Variants in OS9 observed in about 807,000 individuals in gnomAD.
OS9 encodes the protein OS9 endoplasmic reticulum lectin, also known as protein OS-9.
In OS9, 58 loss-of-function variants were observed where a neutral mutation model predicts 84.7. The observed-to-expected ratio is 0.68, with a 90% CI of 0.55 to 0.85. The LOEUF is 0.85. Ranked by LOEUF, OS9 falls within the 40% of genes least tolerant of loss-of-function variation. OS9 has a pLI of 0.00. For missense variants in OS9, 760 were observed against 850.9 expected (o/e 0.89, Z 1.33); for synonymous variants, 278 against 320.8 (o/e 0.87, Z 1.43).
In OS9 at chr12:57,694,185, C is replaced by T. The variant is rs1953750838; in HGVS notation, c.24C>T (p.Ser8=). Residue 8 remains serine (S), a synonymous_variant, in exon 1 of 15, where the codon TCC becomes TCT. Transcript: ENST00000315970. The part of the protein sequence containing the change: MAAETLL[S]SLLGLLLLGL... Reference sequence around the variant, plus strand: ...AGATGGCGGCGGAAACGCTGCTGTCCAGTTTGTTAGGACTGCTGCTTCTGG... The same window carrying T: ...AGATGGCGGCGGAAACGCTGCTGTCTAGTTTGTTAGGACTGCTGCTTCTGG... The T allele has an allele frequency of 1.2e-6, 2 of 1,614,004 alleles. No homozygotes were observed. The highest frequency in any genetic ancestry group is 1.7e-6 in the Non-Finnish European group (2 of 1,180,028).
chr12:57,694,678 G>C lies in OS9; in HGVS notation c.163-72G>C, dbSNP rs764015491. ...TGATCTCTTCCCCAGGGTTTGAAGA[G>C]GGATTTCGTTGTTCTCCCTGATCCC... is the stretch of plus-strand genomic sequence containing the variant. On this transcript the variant is annotated intron_variant, in intron 1 of 14. Coordinates refer to ENST00000315970, the MANE Select transcript of OS9 (RefSeq NM_006812.4). The C allele has an allele frequency of 1.6e-5, 23 of 1,451,372 alleles. No individual in the cohort carries two copies. The South Asian group carries it at 2.5e-4, about 16-fold the overall frequency. The allele number at this position is 1,451,372 out of a possible 1,614,324, so 89.9% of individuals were successfully genotyped here. A position where few individuals can be genotyped will look rare whatever the true frequency, so the allele number is the denominator to read the frequency against.
chr12:57,697,944 C>A (rs1291285708), intron 5 of OS9, among the ~76,000 whole-genome samples: 50 of 150,812 alleles, frequency 3.3e-4, no homozygotes, highest in Admixed American at 6.0e-4. Context: ...CACACACACA[C>A]ACACACACAC....
Position 57,719,165 on chromosome 12 carries a change from C to G in OS9, c.1583C>G (p.Pro528Arg). 2 of 1,614,082 alleles carry G rather than the reference C, an allele frequency of 1.2e-6. No individual in the cohort carries two copies. The highest frequency in any genetic ancestry group is 1.7e-6 in the Non-Finnish European group (2 of 1,179,978). ...KKRVVPKKPPPSPQPTEEDPE... is the reference protein window; with the variant it reads ...KKRVVPKKPPRSPQPTEEDPE... ...AGGGTTGTCCCCAAAAAGCCTCCCC[C>G]ATCACCCCAACCTACAGGTGAGAGC... The change falls in exon 12 of 15, where the codon CCA becomes CGA. Residue 528 changes from proline to arginine, a missense_variant. Transcript: ENST00000315970.
chr12:57,718,544 T>C, intron 11 of OS9, 123 bp downstream of exon 11: 1 of 1,018,458 alleles, frequency 9.8e-7, no homozygotes, highest in Non-Finnish European at 1.4e-6. Flanking sequence ...TTGGAAGTGG[T>C]AGCTGTTTCC....
intron 2 of OS9, 166 bp downstream of exon 2, chr12:57,695,092 A>C: frequency 1.6e-6 from 1 of 620,896 alleles, no homozygotes; most frequent in Admixed American, 2.9e-5. Flanking sequence ...GAATCCTGCA[A>C]CCACTGATGA....
intron 5 of OS9, among the ~76,000 whole-genome samples, chr12:57,706,275 T>A (rs10877007): frequency 0.57 from 87,136 of 152,010 alleles, 25,844 homozygotes; most frequent in Middle Eastern, 0.69. Flanking sequence ...ATGGTTTTTT[T>A]AATATTAAAA....
In OS9 at chr12:57,720,209, C is replaced by T; in HGVS notation, c.1711C>T (p.Gln571Ter). Residue 571 changes from glutamine to a stop codon, truncating the protein, a stop_gained, in exon 13 of 15, where the codon CAA (glutamine) becomes TAA (stop). Coordinates refer to ENST00000315970, the MANE Select transcript of OS9 (RefSeq NM_006812.4). LOFTEE classifies it high-confidence loss of function. The stretch of plus-strand genomic sequence containing the variant: ...GAAACGGGAAAACCCACAGCTGAAA[C>T]AAATCGAGGGGCTGGTGAAGGAGCT... ...EMKRENPQLK[Q>*]IEGLVKELLE... is the part of the protein sequence containing the mutation. 3 of 1,614,206 alleles carry T rather than the reference C, an allele frequency of 1.9e-6. No homozygotes were observed. Among genetic ancestry groups the T allele is most frequent in the Non-Finnish European group, 2.5e-6 (3 of 1,180,050 alleles).
At chr12:57,698,671 T>C (rs766695367) in intron 5 of OS9, among the ~76,000 whole-genome samples, 14 of 152,102 alleles carry the variant, frequency 9.2e-5, no homozygotes, top group Non-Finnish European at 1.9e-4. Context: ...TGAGAGGGCA[T>C]TCCAAATGGA....
intron 4 of OS9, 88 bp from the exon 5 acceptor site, chr12:57,696,187 A>G (rs916533381): frequency 1.0e-5 from 13 of 1,274,114 alleles, no homozygotes; most frequent in African/African-American, 1.5e-5. Context: ...GGCACAGGCC[A>G]TTCTTTTGTC....
rs77765604 is a variant in OS9, at chr12:57,713,317, C to T, written c.580-2443C>T. Among the ~76,000 whole-genome samples, 233 of 152,312 alleles carry T rather than the reference C, an allele frequency of 1.5e-3. 1 individual carries two copies. Among genetic ancestry groups the T allele is most frequent in the Admixed American group, 3.3e-3 (50 of 15,300 alleles). ...TGCCTCTCCCCCTGGGCAAAATCCC[C>T]GAGGCCCTGCTCTGGAGTTGGGGTC... On this transcript the variant is annotated intron_variant, in intron 5 of 14. Coordinates refer to ENST00000315970, the MANE Select transcript of OS9 (RefSeq NM_006812.4).
chr12:57,696,324 A>G lies in OS9; in HGVS notation c.530A>G (p.Asn177Ser), dbSNP rs761476126. 1.1e-5 allele frequency: 17 copies of G among 1,613,782 alleles called. No individual in the cohort carries two copies. The highest frequency in any genetic ancestry group is 2.2e-5 in the East Asian group (1 of 44,882). The change falls in exon 5 of 15, where the codon AAT becomes AGT. Residue 177 changes from asparagine to serine, a missense_variant. Transcript: ENST00000315970. ...LKRYHSQTYGNGSKCDLNGRP... is the reference protein window; with the variant it reads ...LKRYHSQTYGSGSKCDLNGRP... ...CGCTACCACAGCCAGACCTATGGCA[A>G]TGGGTCCAAGTGCGACCTTAATGGG...
intron 5 of OS9, among the ~76,000 whole-genome samples, chr12:57,715,427 C>T (rs934835570): frequency 2.0e-5 from 3 of 151,980 alleles, no homozygotes; most frequent in African/African-American, 4.8e-5. Context: ...TACACACACA[C>T]AATATTTATA....
Position 57,704,707 on chromosome 12 carries a change from T to C in OS9, c.579+8334T>C, listed in dbSNP as rs189211879. Among the ~76,000 whole-genome samples, 9 of 152,340 alleles carry C rather than the reference T, an allele frequency of 5.9e-5. No individual in the cohort carries two copies. The East Asian group carries it at 1.7e-3, about 29-fold the overall frequency. On this transcript the variant is annotated intron_variant, in intron 5 of 14. Coordinates refer to ENST00000315970, the MANE Select transcript of OS9 (RefSeq NM_006812.4). ...ACATTCTTTCTATCTATACTTTGTCTTCTTGTTTTGTTTATAGTGTCTTAA... is the reference window on the plus strand; with the variant it reads ...ACATTCTTTCTATCTATACTTTGTCCTCTTGTTTTGTTTATAGTGTCTTAA...
chr12:57,701,729 C>T (rs949500603), intron 5 of OS9, among the ~76,000 whole-genome samples: 2 of 152,126 alleles, frequency 1.3e-5, no homozygotes, highest in Admixed American at 6.6e-5. Flanking sequence ...CAGGGAAATA[C>T]CTAGAAAGTA....
chr12:57,718,169 G>T lies in OS9; in HGVS notation c.1158G>T (p.Glu386Asp). The T allele has an allele frequency of 1.2e-6, 2 of 1,614,066 alleles. No individual in the cohort carries two copies. Among genetic ancestry groups the T allele is most frequent in the Non-Finnish European group, 1.7e-6 (2 of 1,179,992 alleles). ...TKKGKPNIGQ[E>D]QPVDDAAEVP... Reference sequence around the variant, plus strand: ...AGGGGAAGCCAAATATAGGCCAAGAGCAGCCTGTGGATGATGCTGCAGAAG... The same window carrying T: ...AGGGGAAGCCAAATATAGGCCAAGATCAGCCTGTGGATGATGCTGCAGAAG... The change falls in exon 11 of 15, where the codon GAG (glutamate) becomes GAT (aspartate). Residue 386 changes from glutamate (E) to aspartate (D), a missense_variant. Coordinates refer to ENST00000315970, the MANE Select transcript of OS9 (RefSeq NM_006812.4).
chr12:57,719,175 A>C lies in OS9; in HGVS notation c.1593A>C (p.Gln531His). ...CCAAAAAGCCTCCCCCATCACCCCA[A>C]CCTACAGGTGAGAGCAGTCAGACAA... ...VVPKKPPPSP[Q>H]PTEEDPEHRV... The change falls in exon 12 of 15, where the codon CAA becomes CAC. Residue 531 changes from glutamine to histidine, a missense_variant. Transcript: ENST00000315970. 6.2e-7 allele frequency: 1 copy of C among 1,613,616 alleles called. No homozygotes were observed. Among genetic ancestry groups the C allele is most frequent in the Non-Finnish European group, 8.5e-7 (1 of 1,179,752 alleles).
intron 1 of OS9, 129 bp downstream of exon 1, chr12:57,694,452 C>T (rs966493738): frequency 1.9e-6 from 2 of 1,030,042 alleles, no homozygotes; most frequent in African/African-American, 1.6e-5. Context: ...ATTGCTTTTA[C>T]GGTGACCCCT....
chr12:57,715,599 G>A, intron 5 of OS9, 161 bp from the exon 6 acceptor site: 1 of 536,870 alleles, frequency 1.9e-6, no homozygotes, highest in South Asian at 2.9e-5. Flanking sequence ...TCGCCTCACT[G>A]GGTCTTTGTG....
chr12:57,717,938 C>A lies in OS9; in HGVS notation c.1114C>A (p.Leu372Met). Residue 372 changes from leucine to methionine, a missense_variant, in exon 10 of 15, where the codon CTG (leucine) becomes ATG (methionine). Transcript: ENST00000315970. ...GGATTTGATTCGATTCATAGAGGAG[C>A]TGAAAGGTGGAACAAAAAAGGTATA... ...PADLIRFIEE[L>M]KGGTKKGKPN... is the part of the protein sequence containing the mutation. The A allele has an allele frequency of 6.2e-7, 1 of 1,612,310 alleles. No individual in the cohort carries two copies. The highest frequency in any genetic ancestry group is 8.5e-7 in the Non-Finnish European group (1 of 1,179,356).
Sources: allele counts gnomAD v4.1 joint callset (sites outside exome capture counted in the v4.1 genomes callset), GRCh38; gene constraint gnomAD v4.1.1; transcripts MANE v1.5; gene names NCBI Gene and HGNC (gene_info 2026-07-23, HGNC 2026-07-21).